Variants in KLC1 observed in about 807,000 individuals in gnomAD.
The protein encoded by KLC1 is kinesin light chain 1.
Under a neutral mutation model 84.2 loss-of-function variants are expected in KLC1, and 30 were observed. That is an observed-to-expected ratio of 0.36 (90% confidence interval 0.27 to 0.48). The LOEUF (loss-of-function observed/expected upper bound fraction) is 0.48. Among genes scored for constraint, KLC1 ranks in the 20% least tolerant of loss-of-function variants. The probability of loss-of-function intolerance (pLI) is 0.99; values close to 1 mark genes in which losing one functional copy is unlikely to be tolerated. For synonymous variants in KLC1, 289 were observed against 293.3 expected (o/e 0.99, Z 0.15); for missense variants, 499 against 805.4 (o/e 0.62, Z 4.60).
At chr14:103,645,762 C>CTT (rs34476127) in intron 1 of KLC1, among the ~76,000 whole-genome samples, 39,969 of 145,514 alleles carry the variant, frequency 0.27, 6,094 homozygotes, top group East Asian at 0.35. Context: ...TGTTACAATC[C>CTT]TTTTTTTTTT....
At chr14:103,677,671 G>A in intron 12 of KLC1, 148 bp downstream of exon 12, 1 of 629,916 alleles carries the variant, frequency 1.6e-6, no homozygotes. Flanking sequence ...GTTTAAAAGA[G>A]CATGAGGCCG....
At chr14:103,644,577 C>T (rs1373525474) in intron 1 of KLC1, among the ~76,000 whole-genome samples, 1 of 151,780 alleles carries the variant, frequency 6.6e-6, no homozygotes, top group Non-Finnish European at 1.5e-5. Context: ...TGTTTTTTTT[C>T]CTCCCTCTCT....
intron 1 of KLC1, among the ~76,000 whole-genome samples, chr14:103,651,764 T>C (rs1779957281): frequency 6.6e-6 from 1 of 152,216 alleles, no homozygotes; most frequent in Non-Finnish European, 1.5e-5. Flanking sequence ...CAGCTCCCCT[T>C]TGCTGCCGGG....
At chr14:103,673,649 C>T (rs1373312918) in intron 9 of KLC1, among the ~76,000 whole-genome samples, 5 of 152,144 alleles carry the variant, frequency 3.3e-5, no homozygotes, top group African/African-American at 9.7e-5. Flanking sequence ...ACAGGCCGGG[C>T]GTGGTGGCTC....
intron 13 of KLC1, among the ~76,000 whole-genome samples, chr14:103,680,926 G>A (rs2081293856): frequency 1.3e-5 from 2 of 152,268 alleles, no homozygotes; most frequent in East Asian, 1.9e-4. Flanking sequence ...AAATGGTGAC[G>A]ATTCAGAGCT....
intron 1 of KLC1, among the ~76,000 whole-genome samples, chr14:103,636,071 A>C (rs186562129): frequency 3.9e-5 from 6 of 152,244 alleles, no homozygotes. Context: ...TGTTAAGGAT[A>C]TGCACATCGT....
At chr14:103,666,350 A>G (rs1165353700) in intron 5 of KLC1, among the ~76,000 whole-genome samples, 2 of 151,522 alleles carry the variant, frequency 1.3e-5, no homozygotes, top group Non-Finnish European at 2.9e-5. Context: ...GGCATGAGCC[A>G]CCGTGCCCGG....
intron 13 of KLC1, among the ~76,000 whole-genome samples, chr14:103,681,038 G>A (rs761807046): frequency 7.9e-5 from 12 of 152,188 alleles, no homozygotes; most frequent in Non-Finnish European, 1.3e-4. Context: ...GGCTGGAAGT[G>A]TCGCTGCTGG....
chr14:103,638,666 T>C (rs1223166350), intron 1 of KLC1, among the ~76,000 whole-genome samples: 1 of 146,806 alleles, frequency 6.8e-6, no homozygotes, highest in Non-Finnish European at 1.5e-5. Context: ...ATTTTTTTTT[T>C]TTTTTTTTTT....
chr14:103,634,971 G>A (rs528554796), intron 1 of KLC1, among the ~76,000 whole-genome samples: 14 of 152,172 alleles, frequency 9.2e-5, no homozygotes, highest in Non-Finnish European at 1.8e-4. Context: ...CCTTTGTGGC[G>A]TTGTACTCTG....
intron 1 of KLC1, among the ~76,000 whole-genome samples, chr14:103,637,405 C>G (rs2077129000): frequency 6.6e-6 from 1 of 151,820 alleles, no homozygotes; most frequent in South Asian, 2.1e-4. Context: ...TGGTGTGCAC[C>G]TGTAGTCCCA....
chr14:103,694,129 CA>C lies in KLC1; in HGVS notation c.1848+1705del. 1 of 984,736 alleles carries C rather than the reference CA, an allele frequency of 1.0e-6. No individual in the cohort carries two copies. The highest frequency in any genetic ancestry group is 1.2e-6 in the Non-Finnish European group (1 of 829,074). The allele number at this position is 984,736 out of a possible 1,614,324, so 61.0% of individuals were successfully genotyped here. Reference sequence around the variant, plus strand: ...GAAGTGAATTCCTTCCCAGCTGGAGCATCTTCCGGGTCTCTCTTTCCAAGGT... The same window carrying C: ...GAAGTGAATTCCTTCCCAGCTGGAGCTCTTCCGGGTCTCTCTTTCCAAGGT... On this transcript the variant is annotated intron_variant, in intron 15 of 16. Coordinates refer to ENST00000334553, the MANE Select transcript of KLC1 (RefSeq NM_001394837.1). This position sits in a 1 kb window ranked among gnomAD's most constrained non-coding sequence, Gnocchi z 4.5.
chr14:103,643,323 G>A lies in KLC1; in HGVS notation c.-1-11241G>A, dbSNP rs940209243. On this transcript the variant is annotated intron_variant, in intron 1 of 16. Transcript: ENST00000334553. Reference sequence around the variant, plus strand: ...CTTGCTTCCTAAGAGTATGGAATGGGATGACTGTGTGTGGAGGTGGTGGTG... The same window carrying A: ...CTTGCTTCCTAAGAGTATGGAATGGAATGACTGTGTGTGGAGGTGGTGGTG... Among the ~76,000 whole-genome samples, 11 of 152,276 alleles carry A rather than the reference G, an allele frequency of 7.2e-5. No homozygotes were observed. The South Asian group carries it at 2.3e-3, about 32-fold the overall frequency.
intron 5 of KLC1, among the ~76,000 whole-genome samples, chr14:103,663,525 C>G (rs1191697081): frequency 2.0e-5 from 3 of 152,208 alleles, no homozygotes; most frequent in Admixed American, 1.3e-4. Context: ...CCACAAGACC[C>G]TGTGCAGGCG....
At chr14:103,700,372 T>G in intron 15 of KLC1, 1 of 396,436 alleles carries the variant, frequency 2.5e-6, no homozygotes, top group Non-Finnish European at 4.5e-6. Flanking sequence ...GGCCTGTGGG[T>G]GCCAGAGCCA....
intron 1 of KLC1, among the ~76,000 whole-genome samples, chr14:103,642,986 G>T (rs1336411324): frequency 6.6e-6 from 1 of 151,956 alleles, no homozygotes; most frequent in African/African-American, 2.4e-5. Flanking sequence ...GGTCAGGTTG[G>T]TCTCCAACTC....
At chr14:103,654,130 T>C (rs1203746764) in intron 1 of KLC1, among the ~76,000 whole-genome samples, 1 of 152,110 alleles carries the variant, frequency 6.6e-6, no homozygotes, top group African/African-American at 2.4e-5. Flanking sequence ...GGCTGGTTTT[T>C]CTTTCTTCTT....
intron 1 of KLC1, among the ~76,000 whole-genome samples, chr14:103,639,818 G>T (rs868615771): frequency 2.6e-5 from 4 of 151,178 alleles, no homozygotes; most frequent in Non-Finnish European, 4.4e-5. Flanking sequence ...GAGCACAATG[G>T]TGCAATCATG....
chr14:103,656,963 C>CT (rs2151514333), intron 2 of KLC1, among the ~76,000 whole-genome samples: 1 of 152,286 alleles, frequency 6.6e-6, no homozygotes, highest in South Asian at 2.1e-4. Context: ...CCAGTGAGCA[C>CT]TCTGTAGGCA....
Sources: gnomAD v4.1 joint callset for allele counts (sites outside exome capture counted in the v4.1 genomes callset) on GRCh38, gnomAD v4.1.1 for gene constraint, Gnocchi (gnomAD v3.1) non-coding constraint, MANE v1.5 for transcripts, NCBI Gene and HGNC (gene_info 2026-07-23, HGNC 2026-07-21) for gene names.